The following SLC4A10 variants were observed in gnomAD, a reference collection of about 807,000 sequenced individuals.
SLC4A10 encodes the protein sodium-driven chloride bicarbonate exchanger.
In SLC4A10, 42 loss-of-function variants were observed where a neutral mutation model predicts 137.7. That is an observed-to-expected ratio of 0.30 (90% CI 0.24 to 0.39). The LOEUF (loss-of-function observed/expected upper bound fraction) is 0.39, where lower values mean the gene tolerates loss of function less well. SLC4A10 is among the 10% of genes least tolerant of loss of function. SLC4A10 has a pLI of 1.00. For synonymous variants in SLC4A10, 474 were observed against 464.1 expected (o/e 1.02, Z -0.27); for missense variants, 925 against 1,355.0 (o/e 0.68, Z 4.98).
chr2:161,727,288 A>G (rs2046332090), intron 1 of SLC4A10, among the ~76,000 whole-genome samples: 1 of 152,206 alleles, frequency 6.6e-6, no homozygotes. Flanking sequence ...CCCCAAACAT[A>G]TTGAAATCAG....
chr2:161,740,594 G>A (rs568436211), intron 1 of SLC4A10, among the ~76,000 whole-genome samples: 5 of 152,240 alleles, frequency 3.3e-5, no homozygotes, highest in Admixed American at 6.5e-5. Flanking sequence ...GTTGTTACTG[G>A]GAGGTGCTCA....
At chr2:161,876,187 C>T (rs1445320498) in intron 8 of SLC4A10, among the ~76,000 whole-genome samples, 1 of 152,094 alleles carries the variant, frequency 6.6e-6, no homozygotes, top group Admixed American at 6.6e-5. Flanking sequence ...GAGTATAGCT[C>T]GATTTCTTCA....
At chr2:161,700,058 T>C (rs2042967302) in intron 1 of SLC4A10, among the ~76,000 whole-genome samples, 3 of 152,152 alleles carry the variant, frequency 2.0e-5, no homozygotes, top group Non-Finnish European at 2.9e-5. Context: ...CAAGATCAGA[T>C]GTAATAGCAT....
At chr2:161,735,465 T>C (rs2047249068) in intron 1 of SLC4A10, among the ~76,000 whole-genome samples, 1 of 152,188 alleles carries the variant, frequency 6.6e-6, no homozygotes, top group Admixed American at 6.6e-5. Flanking sequence ...CTTAATTTAA[T>C]ACAATATGAT....
At chr2:161,629,322 C>T (rs1221157829) in intron 1 of SLC4A10, among the ~76,000 whole-genome samples, 13 of 147,766 alleles carry the variant, frequency 8.8e-5, no homozygotes, top group Admixed American at 4.1e-4. Context: ...TTGGGGTGTA[C>T]TACTTTTTTT....
chr2:161,858,867 A>G (rs537580101), intron 5 of SLC4A10, among the ~76,000 whole-genome samples: 3 of 152,322 alleles, frequency 2.0e-5, no homozygotes, highest in African/African-American at 7.2e-5. Flanking sequence ...GGAAGAATCT[A>G]CAGTTTGCTC....
intron 15 of SLC4A10, among the ~76,000 whole-genome samples, chr2:161,917,908 T>C (rs1687424157): frequency 6.6e-6 from 1 of 152,302 alleles, no homozygotes; most frequent in South Asian, 2.1e-4. Context: ...GATTATCTCC[T>C]CTACTCAGAG....
chr2:161,828,493 C>G (rs904425128), intron 3 of SLC4A10, among the ~76,000 whole-genome samples: 2 of 148,986 alleles, frequency 1.3e-5, no homozygotes, highest in African/African-American at 2.5e-5. Context: ...TTATATATCT[C>G]TATATATTTT....
At chr2:161,728,148 C>G (rs1294083392) in intron 1 of SLC4A10, among the ~76,000 whole-genome samples, 1 of 152,150 alleles carries the variant, frequency 6.6e-6, no homozygotes, top group Non-Finnish European at 1.5e-5. Context: ...ATAAATCTGT[C>G]AACTTAGATG....
intron 3 of SLC4A10, among the ~76,000 whole-genome samples, chr2:161,807,492 TTA>T (rs1203412899): frequency 6.6e-6 from 1 of 152,134 alleles, no homozygotes; most frequent in Non-Finnish European, 1.5e-5. Context: ...ACTAATTCAT[TTA>T]TCTTTCTGTC....
At chr2:161,982,956 T>C (rs771373506) in intron 26 of SLC4A10, among the ~76,000 whole-genome samples, 1 of 152,226 alleles carries the variant, frequency 6.6e-6, no homozygotes, top group Non-Finnish European at 1.5e-5. Flanking sequence ...TTGTTTAGTG[T>C]CTGTTTTTGA....
intron 1 of SLC4A10, among the ~76,000 whole-genome samples, chr2:161,705,291 T>A (rs1352686735): frequency 2.0e-5 from 3 of 151,540 alleles, no homozygotes; most frequent in Non-Finnish European, 4.4e-5. Context: ...GCCCTACTAA[T>A]AACTGACCTT....
chr2:161,947,733 T>G lies in SLC4A10; in HGVS notation c.2265+6T>G. 1 of 1,609,824 alleles carries G rather than the reference T, an allele frequency of 6.2e-7. No homozygotes were observed. Among genetic ancestry groups the G allele is most frequent in the Non-Finnish European group, 8.5e-7 (1 of 1,178,132 alleles). On this transcript the variant is annotated splice_donor_region_variant and intron_variant, in intron 17 of 26. Transcript: ENST00000446997. ...GCAGATATTTTCCAACCAAGGTACTTAGACTATTTCTTGATCTAAATGTAA... is the reference window on the plus strand; with the variant it reads ...GCAGATATTTTCCAACCAAGGTACTGAGACTATTTCTTGATCTAAATGTAA...
At chr2:161,917,008 C>T (rs972171218) in intron 15 of SLC4A10, among the ~76,000 whole-genome samples, 1 of 152,064 alleles carries the variant, frequency 6.6e-6, no homozygotes, top group African/African-American at 2.4e-5. Context: ...GTACATTTCC[C>T]AAAAATGTTT....
intron 1 of SLC4A10, among the ~76,000 whole-genome samples, chr2:161,709,085 G>C (rs766321589): frequency 6.6e-6 from 1 of 151,114 alleles, no homozygotes; most frequent in Non-Finnish European, 1.5e-5. Context: ...GGTAAAGGAA[G>C]AGATTCTTTG....
chr2:161,938,685 C>G (rs911532609), intron 15 of SLC4A10, among the ~76,000 whole-genome samples: 20 of 148,886 alleles, frequency 1.3e-4, no homozygotes, highest in African/African-American at 4.9e-4. Context: ...CCCATGATCG[C>G]AAACCTTTGG....
At chr2:161,826,872 T>C (rs889073980) in intron 3 of SLC4A10, among the ~76,000 whole-genome samples, 2 of 152,314 alleles carry the variant, frequency 1.3e-5, no homozygotes, top group East Asian at 3.9e-4. Context: ...ATCTTCTTTC[T>C]CTTAACACAG....
chr2:161,728,413 A>G (rs1391949729), intron 1 of SLC4A10, among the ~76,000 whole-genome samples: 1 of 151,992 alleles, frequency 6.6e-6, no homozygotes, highest in Non-Finnish European at 1.5e-5. Flanking sequence ...TGTCTCTACC[A>G]TAAAATACAA....
intron 10 of SLC4A10, among the ~76,000 whole-genome samples, chr2:161,886,373 T>C (rs1043860440): frequency 6.6e-6 from 1 of 152,190 alleles, no homozygotes; most frequent in Non-Finnish European, 1.5e-5. Flanking sequence ...TAGAACAGTA[T>C]GTACTTTTGA....
Sources: gnomAD v4.1 joint callset for allele counts (sites outside exome capture counted in the v4.1 genomes callset) on GRCh38, gnomAD v4.1.1 for gene constraint, MANE v1.5 for transcripts, NCBI Gene and HGNC (gene_info 2026-07-23, HGNC 2026-07-21) for gene names.